Variants in PPARGC1A observed in about 807,000 individuals in gnomAD.
PPARGC1A encodes peroxisome proliferator-activated receptor gamma coactivator 1-alpha.
In PPARGC1A, 25 loss-of-function variants were observed where a neutral mutation model predicts 88.7. The observed-to-expected ratio is 0.28, with a 90% CI of 0.21 to 0.39. The LOEUF is 0.39. Ranked by LOEUF, PPARGC1A falls within the 10% of genes least tolerant of loss-of-function variation. The pLI, the probability that PPARGC1A is intolerant of heterozygous loss-of-function variation, is 1.00. For missense variants in PPARGC1A, 880 were observed against 968.7 expected (o/e 0.91, Z 1.22); for synonymous variants, 363 against 355.6 (o/e 1.02, Z -0.24).
At chr4:24,465,089 C>T in the PPARGC1A span, among the ~76,000 whole-genome samples, 14 of 152,168 alleles carry the variant, frequency 9.2e-5, no homozygotes, top group Admixed American at 2.0e-4. Flanking sequence ...TGGTCTTGAA[C>T]GCCTGGACTC....
At chr4:24,389,584 T>A in the PPARGC1A span, among the ~76,000 whole-genome samples, 1 of 152,224 alleles carries the variant, frequency 6.6e-6, no homozygotes, top group African/African-American at 2.4e-5. Flanking sequence ...ACATAGCTAA[T>A]GTTAGCCATT....
At chr4:24,290,221 A>AT in the PPARGC1A span, among the ~76,000 whole-genome samples, 8 of 151,254 alleles carry the variant, frequency 5.3e-5, no homozygotes, top group Non-Finnish European at 1.2e-4. Flanking sequence ...TTTTAAATTT[A>AT]TTTTTATTTT....
At chr4:23,843,286 A>G (rs1727395873) in intron 2 of PPARGC1A, among the ~76,000 whole-genome samples, 2 of 152,094 alleles carry the variant, frequency 1.3e-5, no homozygotes, top group African/African-American at 4.8e-5. Flanking sequence ...TAATATTGCT[A>G]TATTATTTGA....
chr4:24,322,254 G>A, the PPARGC1A span, among the ~76,000 whole-genome samples: 1 of 152,074 alleles, frequency 6.6e-6, no homozygotes, highest in African/African-American at 2.4e-5. Context: ...TGGTGGCTGG[G>A]GTACAAAATT....
chr4:24,330,988 T>C, the PPARGC1A span, among the ~76,000 whole-genome samples: 2 of 152,212 alleles, frequency 1.3e-5, no homozygotes, highest in Non-Finnish European at 2.9e-5. Context: ...TCTACTGATA[T>C]GCCCTTCCTC....
the PPARGC1A span, among the ~76,000 whole-genome samples, chr4:24,194,058 G>A: frequency 6.6e-6 from 1 of 151,824 alleles, no homozygotes; most frequent in Non-Finnish European, 1.5e-5. Flanking sequence ...GAACCTGGGA[G>A]GTGGAGGTTG....
intron 1 of PPARGC1A, among the ~76,000 whole-genome samples, chr4:23,896,764 G>A (rs1718648697): frequency 6.6e-6 from 1 of 152,138 alleles, no homozygotes; most frequent in Non-Finnish European, 1.5e-5. Flanking sequence ...TTCAAGAATG[G>A]TATAAATAAA....
At chr4:24,057,970 G>C in the PPARGC1A span, among the ~76,000 whole-genome samples, 88 of 152,226 alleles carry the variant, frequency 5.8e-4, 1 homozygote, top group Admixed American at 1.3e-4. Context: ...GCATGGGAGA[G>C]AGAGAGGGAA....
At chr4:23,931,725 AC>A in the PPARGC1A span, among the ~76,000 whole-genome samples, 1 of 152,204 alleles carries the variant, frequency 6.6e-6, no homozygotes, top group Non-Finnish European at 1.5e-5. Context: ...TACCTAAGTT[AC>A]AAGACTGCCA....
At chr4:24,337,947 G>A in the PPARGC1A span, among the ~76,000 whole-genome samples, 1 of 152,120 alleles carries the variant, frequency 6.6e-6, no homozygotes, top group Non-Finnish European at 1.5e-5. Context: ...AGCCTCCCTT[G>A]CTTTGTCCTG....
At chr4:24,249,202 A>G in the PPARGC1A span, among the ~76,000 whole-genome samples, 4 of 152,264 alleles carry the variant, frequency 2.6e-5, no homozygotes, top group East Asian at 7.7e-4. Context: ...CCCAGTGGAA[A>G]CTTCCCAGAT....
the PPARGC1A span, among the ~76,000 whole-genome samples, chr4:23,993,394 G>C: frequency 6.6e-6 from 1 of 152,154 alleles, no homozygotes; most frequent in African/African-American, 2.4e-5. Context: ...AGCAACAGAG[G>C]AAGATAAATT....
At chr4:24,033,100 G>A in the PPARGC1A span, among the ~76,000 whole-genome samples, 2 of 152,074 alleles carry the variant, frequency 1.3e-5, no homozygotes, top group Non-Finnish European at 2.9e-5. Context: ...TTCCAAAGAG[G>A]CTGAACAGAC....
At chr4:24,207,413 T>C in the PPARGC1A span, among the ~76,000 whole-genome samples, 2 of 152,200 alleles carry the variant, frequency 1.3e-5, no homozygotes, top group African/African-American at 4.8e-5. Flanking sequence ...AAATTATAGG[T>C]TTGAAGTGCT....
the PPARGC1A span, among the ~76,000 whole-genome samples, chr4:24,269,221 G>T: frequency 2.0e-5 from 3 of 152,216 alleles, no homozygotes. Context: ...TTGACATAAT[G>T]AATTTAATGA....
chr4:23,860,305 G>A (rs532164337), intron 2 of PPARGC1A, among the ~76,000 whole-genome samples: 1 of 122,122 alleles, frequency 8.2e-6, no homozygotes, highest in South Asian at 3.3e-4. Context: ...TAGAATGATG[G>A]TTACCAGGGG....
rs780401461 is a variant in PPARGC1A at position 23,813,129 on chromosome 4, C to T, written c.1794-4G>A. ...TGACTCATAGTAATAGCAGGATCTG[C>T]GCCAGAGGAGAAAAGCAAAAAGGGC... is the stretch of plus-strand genomic sequence containing the variant. On this transcript the variant is annotated splice_polypyrimidine_tract_variant and splice_region_variant and intron_variant, in intron 8 of 12. Coordinates refer to ENST00000264867, the MANE Select transcript of PPARGC1A (RefSeq NM_013261.5). 2.5e-5 allele frequency: 41 copies of T among 1,613,546 alleles called. No homozygotes were observed. The highest frequency in any genetic ancestry group is 4.5e-5 in the East Asian group (2 of 44,876).
the PPARGC1A span, among the ~76,000 whole-genome samples, chr4:24,115,186 C>T: frequency 6.6e-6 from 1 of 152,170 alleles, no homozygotes; most frequent in Non-Finnish European, 1.5e-5. Context: ...GGAAAACTAA[C>T]AGCCTCAGAA....
the PPARGC1A span, among the ~76,000 whole-genome samples, chr4:24,033,398 T>C: frequency 8.0e-6 from 1 of 125,058 alleles, no homozygotes; most frequent in Non-Finnish European, 1.6e-5. Flanking sequence ...GATACATAGA[T>C]GTAGACAGAC....
Sources: allele counts gnomAD v4.1 joint callset (sites outside exome capture counted in the v4.1 genomes callset), GRCh38; gene constraint gnomAD v4.1.1; transcripts MANE v1.5; gene names NCBI Gene and HGNC (gene_info 2026-07-23, HGNC 2026-07-21).